The following PTDSS1 variants were observed in gnomAD, a reference collection of about 807,000 sequenced individuals.
PTDSS1 encodes the protein phosphatidylserine synthase 1.
A neutral mutation model predicts 70.5 loss-of-function variants in PTDSS1; 45 were observed. The ratio of observed to expected loss-of-function variants is 0.64; its 90% CI spans 0.50 to 0.82. The LOEUF (loss-of-function observed/expected upper bound fraction) is 0.82. Among genes scored for constraint, PTDSS1 ranks in the 40% least tolerant of loss-of-function variants. The pLI, the probability that PTDSS1 is intolerant of heterozygous loss-of-function variation, is 0.00. For synonymous variants in PTDSS1, 188 were observed against 203.8 expected, an observed-to-expected ratio of 0.92 and a Z score of 0.66; for missense variants, 417 against 586.1, an observed-to-expected ratio of 0.71 and a Z score of 2.98.
At chr8:96,270,208 A>G (rs907243380) in intron 1 of PTDSS1, among the ~76,000 whole-genome samples, 5 of 152,136 alleles carry the variant, frequency 3.3e-5, no homozygotes, top group African/African-American at 1.2e-4. Context: ...ATTTCCTGCT[A>G]TAGAGTGTTA....
intron 6 of PTDSS1, among the ~76,000 whole-genome samples, 153 bp from the exon 7 acceptor site, chr8:96,303,883 TATAG>T (rs1811084324): frequency 6.6e-6 from 1 of 152,174 alleles, no homozygotes; most frequent in African/African-American, 2.4e-5. Context: ...GCTTTACCTG[TATAG>T]AGAGACCTTT....
chr8:96,264,212 C>T (rs2129979068), intron 1 of PTDSS1, among the ~76,000 whole-genome samples: 1 of 152,288 alleles, frequency 6.6e-6, no homozygotes, highest in East Asian at 1.9e-4. Flanking sequence ...CATAATTTTG[C>T]TAGGCCTCAG....
intron 2 of PTDSS1, among the ~76,000 whole-genome samples, chr8:96,274,165 T>G (rs985840236): frequency 2.0e-5 from 3 of 152,078 alleles, no homozygotes; most frequent in African/African-American, 7.2e-5. Context: ...TTAACACCTA[T>G]GACATTTGGA....
intron 4 of PTDSS1, among the ~76,000 whole-genome samples, chr8:96,290,030 T>G (rs1295048368): frequency 2.0e-5 from 3 of 152,150 alleles, no homozygotes; most frequent in Non-Finnish European, 2.9e-5. Flanking sequence ...CTCTTTATAT[T>G]CTACATAAGC....
chr8:96,315,417 G>T (rs1286935336), intron 9 of PTDSS1, among the ~76,000 whole-genome samples: 1 of 152,160 alleles, frequency 6.6e-6, no homozygotes, highest in African/African-American at 2.4e-5. Flanking sequence ...GTGCAGGCTT[G>T]TTGGCAAGCC....
At chr8:96,276,526 A>T (rs371875133) in intron 2 of PTDSS1, among the ~76,000 whole-genome samples, 13 of 152,290 alleles carry the variant, frequency 8.5e-5, no homozygotes, top group African/African-American at 3.1e-4. Context: ...CATCTAGTTC[A>T]GCCAGCTCAG....
At chr8:96,275,469 G>A (rs914678730) in intron 2 of PTDSS1, among the ~76,000 whole-genome samples, 1 of 152,100 alleles carries the variant, frequency 6.6e-6, no homozygotes. Flanking sequence ...AATCCCTGAC[G>A]TCAAACAGCT....
chr8:96,286,909 T>C (rs1429142759), intron 3 of PTDSS1, 113 bp from the exon 4 acceptor site: 22 of 1,317,354 alleles, frequency 1.7e-5, no homozygotes, highest in Non-Finnish European at 1.5e-5. Flanking sequence ...CTTGACAGGC[T>C]GTGCTGCAAT....
intron 9 of PTDSS1, 91 bp downstream of exon 9, chr8:96,309,713 T>A: frequency 2.3e-6 from 3 of 1,286,158 alleles, no homozygotes; most frequent in Non-Finnish European, 3.3e-6. Flanking sequence ...AGCCTTTCAG[T>A]ATAATTTTTC....
At position 96,301,790 on chromosome 8, in the gene PTDSS1, A is replaced by G. The variant is rs144231489; in HGVS notation, c.752+1945A>G. On this transcript the variant is annotated intron_variant, in intron 6 of 12. Coordinates refer to ENST00000517309, the MANE Select transcript of PTDSS1 (RefSeq NM_014754.3). The stretch of plus-strand genomic sequence containing the variant: ...CTCAGCCTCCCAAAGTTCTGGGATT[A>G]CAGGCGTGAGCACCGTGCCCAGCCT... 4.8e-3 allele frequency among the ~76,000 whole-genome samples: 726 copies of G among 152,120 alleles called. 2 individuals carry two copies. The highest frequency in any genetic ancestry group is 0.014 in the African/African-American group (580 of 41,490).
chr8:96,288,710 A>G (rs1349425655), intron 4 of PTDSS1, among the ~76,000 whole-genome samples: 3 of 143,824 alleles, frequency 2.1e-5, no homozygotes, highest in Non-Finnish European at 4.5e-5. Context: ...GCTCACTGCA[A>G]CCTTGGCCTC....
chr8:96,278,974 T>C (rs867764137), intron 2 of PTDSS1, among the ~76,000 whole-genome samples: 51 of 128,856 alleles, frequency 4.0e-4, no homozygotes, highest in African/African-American at 6.6e-4. Context: ...CAGCCCCCCT[T>C]TTTTTTTTTT....
chr8:96,298,494 A>T (rs1013483877), intron 5 of PTDSS1, among the ~76,000 whole-genome samples: 1 of 152,146 alleles, frequency 6.6e-6, no homozygotes, highest in African/African-American at 2.4e-5. Flanking sequence ...TGGACAAAAC[A>T]AATTGATTTC....
At chr8:96,312,919 G>A (rs543823161) in intron 9 of PTDSS1, among the ~76,000 whole-genome samples, 3 of 152,316 alleles carry the variant, frequency 2.0e-5, no homozygotes, top group Admixed American at 6.5e-5. Flanking sequence ...ACTGAAGTGT[G>A]TGGTTTCCTT....
intron 11 of PTDSS1, chr8:96,330,740 G>T (rs1352859461): frequency 2.3e-6 from 1 of 438,300 alleles, no homozygotes; most frequent in African/African-American, 2.0e-5. Flanking sequence ...TGGCCGTCTG[G>T]TAGACGGTAA....
At chr8:96,311,823 C>T (rs1038250381) in intron 9 of PTDSS1, among the ~76,000 whole-genome samples, 1 of 152,148 alleles carries the variant, frequency 6.6e-6, no homozygotes, top group Non-Finnish European at 1.5e-5. Flanking sequence ...GCAGAGGTGG[C>T]GCTCCCGCTT....
At chr8:96,276,458 C>T (rs920512838) in intron 2 of PTDSS1, among the ~76,000 whole-genome samples, 1 of 152,114 alleles carries the variant, frequency 6.6e-6, no homozygotes, top group African/African-American at 2.4e-5. Context: ...GCTCGGTTTC[C>T]TTATCCTGGC....
intron 11 of PTDSS1, chr8:96,330,655 A>G (rs949844629): frequency 1.9e-5 from 7 of 367,172 alleles, no homozygotes; most frequent in Admixed American, 4.2e-5. Context: ...CTTCTGGGCA[A>G]ACGCTTGCCC....
At chr8:96,304,412 G>A (rs1811095655) in intron 7 of PTDSS1, among the ~76,000 whole-genome samples, 1 of 152,140 alleles carries the variant, frequency 6.6e-6, no homozygotes, top group South Asian at 2.1e-4. Context: ...TTACAAATTA[G>A]AAACAGATTA....
Sources: allele counts gnomAD v4.1 joint callset (sites outside exome capture counted in the v4.1 genomes callset), GRCh38; gene constraint gnomAD v4.1.1; transcripts MANE v1.5; gene names NCBI Gene and HGNC (gene_info 2026-07-23, HGNC 2026-07-21).